The following LAMA1 variants were observed in gnomAD, a reference collection of about 807,000 sequenced individuals.
LAMA1 encodes the protein laminin subunit alpha 1, also known as laminin subunit alpha-1.
Under a neutral mutation model 348.7 loss-of-function variants are expected in LAMA1, and 219 were observed. The ratio of observed to expected loss-of-function variants is 0.63; its 90% CI spans 0.56 to 0.70. LAMA1 has a LOEUF of 0.70. LAMA1 is among the 30% of genes least tolerant of loss of function. The pLI, the probability that LAMA1 is intolerant of heterozygous loss-of-function variation, is 0.00. For missense variants in LAMA1, 3,744 were observed against 3,888.0 expected, an observed-to-expected ratio of 0.96 and a Z score of 0.99; for synonymous variants, 1,487 against 1,491.0, an observed-to-expected ratio of 1.00 and a Z score of 0.06.
chr18:7,017,471 T>G (rs531982883), intron 19 of LAMA1, 87 bp from the exon 20 acceptor site: 12 of 839,914 alleles, frequency 1.4e-5, no homozygotes, highest in Admixed American at 1.4e-4. Context: ...AAAAAAAAAA[T>G]GTAAACTTTC....
chr18:7,016,309 T>C (rs950264052), intron 21 of LAMA1, among the ~76,000 whole-genome samples, 182 bp downstream of exon 21: 1 of 152,130 alleles, frequency 6.6e-6, no homozygotes, highest in Non-Finnish European at 1.5e-5. Flanking sequence ...GGCAGAGCCA[T>C]GACCAAAACT....
rs184733689 is a variant in LAMA1 at position 7,093,273 on chromosome 18, G to A, written c.62-12816C>T. ...CTACTAAAAATATAAAAAATTAGCC[G>A]GGCGGGGTGGCGGGCGCCTGTGGTC... On this transcript the variant is annotated intron_variant, in intron 1 of 62. Transcript: ENST00000389658. 6.3e-4 allele frequency among the ~76,000 whole-genome samples: 96 copies of A among 152,158 alleles called. 1 individual carries two copies. Among genetic ancestry groups the A allele is most frequent in the Admixed American group, 3.9e-3 (59 of 15,280 alleles).
chr18:7,087,271 C>T (rs1207914592), intron 1 of LAMA1, among the ~76,000 whole-genome samples: 1 of 152,206 alleles, frequency 6.6e-6, no homozygotes, highest in Non-Finnish European at 1.5e-5. Flanking sequence ...GGTTAACCTT[C>T]CAATTCTTAA....
chr18:7,070,389 T>C (rs2058140993), intron 3 of LAMA1, among the ~76,000 whole-genome samples: 1 of 152,214 alleles, frequency 6.6e-6, no homozygotes, highest in Admixed American at 6.5e-5. Context: ...CGCTCCAATT[T>C]AGATGCAATT....
chr18:6,965,610 C>G, intron 49 of LAMA1, 178 bp from the exon 50 acceptor site: 1 of 638,630 alleles, frequency 1.6e-6, no homozygotes, highest in Non-Finnish European at 2.7e-6. Flanking sequence ...TTCTAGAACA[C>G]TACACTAATA....
At chr18:6,974,405 C>A (rs1366578106) in intron 46 of LAMA1, among the ~76,000 whole-genome samples, 1 of 151,014 alleles carries the variant, frequency 6.6e-6, no homozygotes, top group East Asian at 1.9e-4. Flanking sequence ...TACTATTATT[C>A]AGCCTTAAAA....
chr18:7,060,078 A>C (rs2058096851), intron 3 of LAMA1, among the ~76,000 whole-genome samples: 1 of 152,240 alleles, frequency 6.6e-6, no homozygotes, highest in African/African-American at 2.4e-5. Context: ...TCACGAAAGC[A>C]CTTAGTCAAT....
chr18:7,009,970 C>T (rs899159101), intron 26 of LAMA1, among the ~76,000 whole-genome samples: 2 of 152,046 alleles, frequency 1.3e-5, no homozygotes, highest in African/African-American at 4.8e-5. Flanking sequence ...CCATGCCTGG[C>T]TAATTTTTAT....
chr18:6,970,071 G>A (rs758019824), intron 48 of LAMA1, among the ~76,000 whole-genome samples: 3 of 152,232 alleles, frequency 2.0e-5, no homozygotes, highest in African/African-American at 2.4e-5. Context: ...TCTAGGGGTC[G>A]GGGTGTTTTT....
In LAMA1 at chr18:6,975,951, C is replaced by A; in HGVS notation, c.6475G>T (p.Gly2159Cys). 1.9e-6 allele frequency: 3 copies of A among 1,614,036 alleles called. No homozygotes were observed. Among genetic ancestry groups the A allele is most frequent in the Non-Finnish European group, 1.7e-6 (2 of 1,180,026 alleles). ...QEPDNLLFYL[G>C]SSTASDFLAV... ...CCATAACTTACAGCGGTGCTGCTAC[C>A]GAGGTAGAAGAGAAGATTATCGGGT... Residue 2159 changes from glycine to cysteine, a missense_variant, in exon 45 of 63, where the codon GGT becomes TGT. Transcript: ENST00000389658.
At chr18:7,072,774 G>A (rs1279981142) in intron 3 of LAMA1, among the ~76,000 whole-genome samples, 2 of 152,104 alleles carry the variant, frequency 1.3e-5, no homozygotes, top group Non-Finnish European at 2.9e-5. Context: ...AAGTGTTTGC[G>A]CTGGTTGCTA....
chr18:6,963,281 G>A (rs1160692607), intron 51 of LAMA1, among the ~76,000 whole-genome samples: 2 of 152,168 alleles, frequency 1.3e-5, no homozygotes, highest in South Asian at 4.1e-4. Context: ...AAGTCCAGAT[G>A]TACTAGGACA....
chr18:6,977,849 C>T lies in LAMA1; in HGVS notation c.6223G>A (p.Glu2075Lys). The T allele has an allele frequency of 1.9e-6, 3 of 1,613,604 alleles. No homozygotes were observed. Among genetic ancestry groups the T allele is most frequent in the Non-Finnish European group, 2.5e-6 (3 of 1,180,038 alleles). Residue 2075 changes from glutamate to lysine, a missense_variant, in exon 44 of 63, where the codon GAA becomes AAA. Physicochemically the swap from Glu to Lys is moderately conservative, Grantham distance 56. This residue lies in a region of LAMA1 where 1,983 missense variants were observed against 1,934.3 expected (regional missense o/e 1.03). Coordinates refer to ENST00000389658, the MANE Select transcript of LAMA1 (RefSeq NM_005559.4). ...LLAGRKVKDV[E>K]IQANLLFDRL... Reference sequence around the variant, plus strand: ...TCAAACAAAAGGTTGGCTTGAATTTCCACGTCTTTGACTTTTCTTCCAGCC... The same window carrying T: ...TCAAACAAAAGGTTGGCTTGAATTTTCACGTCTTTGACTTTTCTTCCAGCC...
intron 34 of LAMA1, among the ~76,000 whole-genome samples, chr18:6,994,699 ATAC>A (rs2057773385): frequency 8.2e-6 from 1 of 121,670 alleles, no homozygotes; most frequent in Admixed American, 9.3e-5. Context: ...ACACACACAC[ATAC>A]AAAATTCATA....
chr18:7,021,089 G>C (rs1251883869), intron 19 of LAMA1, among the ~76,000 whole-genome samples: 1 of 152,080 alleles, frequency 6.6e-6, no homozygotes, highest in African/African-American at 2.4e-5. Context: ...CTCGGGCAGG[G>C]CCTGCCTACT....
chr18:7,035,866 C>T (rs1215689930), intron 13 of LAMA1, 121 bp downstream of exon 13: 2 of 778,674 alleles, frequency 2.6e-6, no homozygotes, highest in East Asian at 2.6e-5. Flanking sequence ...CCAGGGTCTA[C>T]TGAATGGCCA....
chr18:7,084,854 T>G (rs1040500111), intron 1 of LAMA1, among the ~76,000 whole-genome samples: 14 of 152,214 alleles, frequency 9.2e-5, no homozygotes, highest in African/African-American at 2.9e-4. Context: ...GTTTTTGGAT[T>G]TCTTCCCAGC....
intron 1 of LAMA1, among the ~76,000 whole-genome samples, chr18:7,115,154 C>T (rs927064615): frequency 3.3e-5 from 5 of 152,060 alleles, no homozygotes; most frequent in South Asian, 2.1e-4. Flanking sequence ...AAAGAAAAAA[C>T]GCACCTCTGA....
intron 42 of LAMA1, 78 bp from the exon 43 acceptor site, chr18:6,978,456 T>C (rs990048479): frequency 7.8e-7 from 1 of 1,290,136 alleles, no homozygotes; most frequent in Non-Finnish European, 1.1e-6. Flanking sequence ...ACAAATGTAA[T>C]TTCGCACAGA....
Sources: allele counts gnomAD v4.1 joint callset (sites outside exome capture counted in the v4.1 genomes callset), GRCh38; gene constraint gnomAD v4.1.1; regional missense constraint gnomAD v4.1.1; transcripts MANE v1.5; gene names NCBI Gene and HGNC (gene_info 2026-07-23, HGNC 2026-07-21).